AIMP2: variants seen among roughly 807,000 people sequenced by gnomAD.
AIMP2 encodes aminoacyl tRNA synthase complex-interacting multifunctional protein 2.
AIMP2 carries 20 observed loss-of-function variants against 23.4 expected under a neutral mutation model. That is an observed-to-expected ratio of 0.85 (90% CI 0.60 to 1.24). The LOEUF (loss-of-function observed/expected upper bound fraction) is 1.24, where lower values mean the gene tolerates loss of function less well. AIMP2 is among the 50% of genes most tolerant of loss of function. AIMP2 has a pLI of 0.00. For synonymous variants in AIMP2, 210 were observed against 170.4 expected (o/e 1.23, Z -1.81); for missense variants, 515 against 414.5 (o/e 1.24, Z -2.10).
At chr7:6,023,122 C>T in intron 3 of AIMP2, 181 bp from the exon 4 acceptor site, 1 of 696,348 alleles carries the variant, frequency 1.4e-6, no homozygotes, top group Non-Finnish European at 2.3e-6. Context: ...ATAGTTTGCA[C>T]TTAAACCCTT....
At position 6,015,307 on chromosome 7, in the gene AIMP2, G is replaced by A. The variant is rs538013036; in HGVS notation, c.297G>A (p.Thr99=). Residue 99 remains threonine (T), a synonymous_variant, in exon 2 of 4, where the codon ACG becomes ACA. Transcript: ENST00000223029. The part of the protein sequence containing the change: ...VTNIIQADEP[T]TLTTNALDLN... Reference sequence around the variant, plus strand: ...ACATAATCCAAGCGGATGAGCCCACGACTTTAACCACCAATGCGCTGGACT... The same window carrying A: ...ACATAATCCAAGCGGATGAGCCCACAACTTTAACCACCAATGCGCTGGACT... The A allele has an allele frequency of 5.6e-6, 9 of 1,614,182 alleles. No homozygotes were observed. Among genetic ancestry groups the A allele is most frequent in the Admixed American group, 3.3e-5 (2 of 60,014 alleles).
chr7:6,021,701 G>A (rs965413243), intron 3 of AIMP2, among the ~76,000 whole-genome samples: 1 of 152,158 alleles, frequency 6.6e-6, no homozygotes, highest in South Asian at 2.1e-4. Context: ...AGACCTAGGA[G>A]AAGCCGGGCT....
chr7:6,014,993 T>G, intron 1 of AIMP2, 153 bp from the exon 2 acceptor site: 1 of 1,482,054 alleles, frequency 6.7e-7, no homozygotes, highest in Non-Finnish European at 9.0e-7. Flanking sequence ...GTGCTGGGAT[T>G]ACAGGCGTGA....
chr7:6,015,310 T>A lies in AIMP2; in HGVS notation c.300T>A (p.Thr100=). 1.2e-6 allele frequency: 2 copies of A among 1,614,198 alleles called. No individual in the cohort carries two copies. Among genetic ancestry groups the A allele is most frequent in the South Asian group, 2.2e-5 (2 of 91,086 alleles). ...TAATCCAAGCGGATGAGCCCACGAC[T>A]TTAACCACCAATGCGCTGGACTTGA... ...TNIIQADEPT[T]LTTNALDLNS... is the part of the protein sequence containing the mutation. The change falls in exon 2 of 4, where the codon ACT becomes ACA. Residue 100 remains threonine (T), a synonymous_variant. Transcript: ENST00000223029.
intron 3 of AIMP2, among the ~76,000 whole-genome samples, chr7:6,019,537 C>T (rs1184959203): frequency 2.0e-5 from 3 of 150,718 alleles, no homozygotes; most frequent in Non-Finnish European, 4.4e-5. Context: ...ATTTTTCCAT[C>T]GTGCATTGCC....
At position 6,010,127 on chromosome 7, in the gene AIMP2, A is replaced by AT. The variant is rs1279358742; in HGVS notation, c.135+635dup. ...GCAACATAGCGAGACCCTTGTCTCT[A>AT]TTTTTTAAATGTTTTAATTAAAATA... On this transcript the variant is annotated intron_variant, in intron 1 of 3. Transcript: ENST00000223029. Among the ~76,000 whole-genome samples the AT allele has an allele frequency of 3.3e-5, 5 of 150,830 alleles. No individual in the cohort carries two copies. In the East Asian group the frequency reaches 9.7e-4, roughly 29 times the overall value.
At chr7:6,009,772 A>G (rs1383446954) in intron 1 of AIMP2, among the ~76,000 whole-genome samples, 2 of 150,294 alleles carry the variant, frequency 1.3e-5, no homozygotes, top group Non-Finnish European at 1.5e-5. Context: ...CCAACATGGT[A>G]AAACCTCGTC....
chr7:6,019,923 G>A (rs1316769751), intron 3 of AIMP2, among the ~76,000 whole-genome samples: 3 of 151,532 alleles, frequency 2.0e-5, no homozygotes, highest in Non-Finnish European at 4.4e-5. Context: ...TTGGAAGCCT[G>A]AGGCAGGAAA....
At chr7:6,009,878 G>T (rs1389446878) in intron 1 of AIMP2, among the ~76,000 whole-genome samples, 1 of 145,460 alleles carries the variant, frequency 6.9e-6, no homozygotes, top group Non-Finnish European at 1.5e-5. Flanking sequence ...GAACCCTGGA[G>T]GCGGAGTTTG....
Position 6,021,613 on chromosome 7 carries a change from A to G in AIMP2, c.575-1690A>G, listed in dbSNP as rs1414062152. ...CTTGGAGAAATTCAAGGGCTGACAG[A>G]CACTGCACAGAAGAATTAACATAAG... On this transcript the variant is annotated intron_variant, in intron 3 of 3. Transcript: ENST00000223029. 3.3e-5 allele frequency among the ~76,000 whole-genome samples: 5 copies of G among 152,182 alleles called. No individual in the cohort carries two copies. The South Asian group carries it at 6.2e-4, about 19-fold the overall frequency.
Position 6,017,948 on chromosome 7 carries a change from G to C in AIMP2, c.477G>C (p.Lys159Asn), listed in dbSNP as rs931014900. 5.0e-6 allele frequency: 8 copies of C among 1,613,890 alleles called. No individual in the cohort carries two copies. In the East Asian group the frequency reaches 1.1e-4, roughly 22 times the overall value. The change falls in exon 3 of 4, where the codon AAG becomes AAC. Residue 159 changes from lysine to asparagine, a missense_variant. Physicochemically the swap from Lys to Asn is moderately conservative, Grantham distance 94. Transcript: ENST00000223029. ...CGGTGCACACGCACTCCTCGGTCAA[G>C]AGCGTGCCTGAAAACCTTCTCAAGT... ...LSTVHTHSSV[K>N]SVPENLLKCF...
chr7:6,013,401 A>G (rs1786819299), intron 1 of AIMP2, among the ~76,000 whole-genome samples: 1 of 147,870 alleles, frequency 6.8e-6, no homozygotes, highest in African/African-American at 2.5e-5. Context: ...AGCTGGTATT[A>G]CAGGCACCCA....
chr7:6,021,785 G>C (rs1485501764), intron 3 of AIMP2, among the ~76,000 whole-genome samples: 2 of 152,232 alleles, frequency 1.3e-5, no homozygotes, highest in Non-Finnish European at 2.9e-5. Context: ...CTTCTTTTAC[G>C]ACCTGGAGTC....
Position 6,009,335 on chromosome 7 carries a change from GC to G in AIMP2, c.-28del. On this transcript the variant is annotated 5_prime_UTR_variant, in exon 1 of 4. Coordinates refer to ENST00000223029, the MANE Select transcript of AIMP2 (RefSeq NM_006303.4). The stretch of plus-strand genomic sequence containing the variant: ...GTTTCTGAGCGTTGGCCTTTGGCAC[GC>G]GCTACCCCCTTTTGCTTTGGTTCTG... 1.9e-6 allele frequency: 3 copies of G among 1,611,684 alleles called. No individual in the cohort carries two copies. The highest frequency in any genetic ancestry group is 2.5e-6 in the Non-Finnish European group (3 of 1,180,004).
intron 3 of AIMP2, among the ~76,000 whole-genome samples, chr7:6,021,235 T>C (rs1787386651): frequency 6.6e-6 from 1 of 151,656 alleles, no homozygotes. Context: ...TTCCAGCTAC[T>C]TTGGAGGCTG....
intron 1 of AIMP2, chr7:6,013,005 A>G: frequency 1.1e-6 from 1 of 947,408 alleles, no homozygotes; most frequent in Non-Finnish European, 1.2e-6. Context: ...GAGTTAAGCA[A>G]ACAAGAGAAG....
Position 6,015,331 on chromosome 7 carries a change from C to T in AIMP2, c.321C>T (p.Asp107=). The T allele has an allele frequency of 6.2e-7, 1 of 1,614,172 alleles. No homozygotes were observed. Among genetic ancestry groups the T allele is most frequent in the South Asian group, 1.1e-5 (1 of 91,092 alleles). ...EPTTLTTNAL[D]LNSVLGKDYG... ...CGACTTTAACCACCAATGCGCTGGACTTGAATTCAGTGCTTGGGAAGGTAG... is the reference window on the plus strand; with the variant it reads ...CGACTTTAACCACCAATGCGCTGGATTTGAATTCAGTGCTTGGGAAGGTAG... The change falls in exon 2 of 4, where the codon GAC becomes GAT. Residue 107 remains aspartate (D), a synonymous_variant. Coordinates refer to ENST00000223029, the MANE Select transcript of AIMP2 (RefSeq NM_006303.4).
At chr7:6,012,654 T>C in intron 1 of AIMP2, 1 of 354,176 alleles carries the variant, frequency 2.8e-6, no homozygotes, top group Non-Finnish European at 6.0e-6. Context: ...GTCTCCCGGG[T>C]TCAAGCAATT....
intron 1 of AIMP2, among the ~76,000 whole-genome samples, chr7:6,013,353 C>A (rs1049370344): frequency 1.3e-5 from 2 of 149,530 alleles, no homozygotes; most frequent in African/African-American, 4.9e-5. Context: ...CCTCCGCCTC[C>A]CGGGTTCAAG....
Sources: gnomAD v4.1 joint callset for allele counts (sites outside exome capture counted in the v4.1 genomes callset) on GRCh38, gnomAD v4.1.1 for gene constraint, MANE v1.5 for transcripts, NCBI Gene and HGNC (gene_info 2026-07-23, HGNC 2026-07-21) for gene names.